Variants in ANK3 observed in about 807,000 individuals in gnomAD.
ANK3 encodes the protein ankyrin 3.
In ANK3, 57 loss-of-function variants were observed where a neutral mutation model predicts 370.9. That is an observed-to-expected ratio of 0.15 (90% CI 0.12 to 0.19). The LOEUF (loss-of-function observed/expected upper bound fraction) is 0.19. Ranked by LOEUF, ANK3 falls within the 10% of genes least tolerant of loss-of-function variation. ANK3 has a pLI of 1.00. For missense variants in ANK3, 4,439 were observed against 5,302.1 expected (o/e 0.84, Z 5.06); for synonymous variants, 1,929 against 1,946.3 (o/e 0.99, Z 0.23).
chr10:60,062,918 T>C (rs537234193), intron 40 of ANK3, 193 bp downstream of exon 40: 5 of 473,010 alleles, frequency 1.1e-5, no homozygotes, highest in Admixed American at 3.8e-5. Flanking sequence ...TGTATATTTA[T>C]ATTGTATATA....
intron 1 of ANK3, chr10:60,685,312 G>C (rs2079253215): frequency 5.0e-6 from 1 of 199,774 alleles, no homozygotes; most frequent in African/African-American, 2.4e-5. Context: ...TACCATTTGG[G>C]GAAGCCAAGC....
At chr10:60,422,443 T>A (rs2063798435) in intron 2 of ANK3, among the ~76,000 whole-genome samples, 1 of 152,132 alleles carries the variant, frequency 6.6e-6, no homozygotes, top group Admixed American at 6.6e-5. Context: ...CTATCCAAGT[T>A]CATTGAAGTA....
intron 1 of ANK3, among the ~76,000 whole-genome samples, chr10:60,281,294 T>C (rs959857341): frequency 2.0e-5 from 3 of 152,214 alleles, no homozygotes; most frequent in African/African-American, 7.2e-5. Context: ...TTCTTTGCTG[T>C]AGGGGACTGT....
At chr10:60,310,694 C>T (rs2046164642) in intron 1 of ANK3, among the ~76,000 whole-genome samples, 5 of 152,326 alleles carry the variant, frequency 3.3e-5, no homozygotes, top group Admixed American at 3.3e-4. Context: ...TCAATTCTAA[C>T]ACAAGTAACT....
At chr10:60,212,140 G>A (rs1261068002) in intron 9 of ANK3, among the ~76,000 whole-genome samples, 3 of 151,972 alleles carry the variant, frequency 2.0e-5, no homozygotes, top group Non-Finnish European at 4.4e-5. Flanking sequence ...AAAATCCAAA[G>A]CAATGAGATG....
At position 60,389,708 on chromosome 10, in the gene ANK3, T is replaced by A; in HGVS notation, c.-170A>T. The A allele has an allele frequency of 6.9e-7, 1 of 1,440,440 alleles. No individual in the cohort carries two copies. Among genetic ancestry groups the A allele is most frequent in the Non-Finnish European group, 9.1e-7 (1 of 1,103,498 alleles). The allele number at this position is 1,440,440 out of a possible 1,614,324, so 89.2% of individuals were successfully genotyped here. A position where few individuals can be genotyped will look rare whatever the true frequency, so the allele number is the denominator to read the frequency against. Reference sequence around the variant, plus strand: ...AAGATGCTGGAGAAGCTGAAGCTTTTAAAAACCCAAATGATGGTGTCCGGA... The same window carrying A: ...AAGATGCTGGAGAAGCTGAAGCTTTAAAAAACCCAAATGATGGTGTCCGGA... On this transcript the variant is annotated 5_prime_UTR_variant, in exon 1 of 44. An upstream open reading frame in the 5' UTR loses its in-frame stop. Transcript: ENST00000280772.
intron 8 of ANK3, among the ~76,000 whole-genome samples, chr10:60,226,573 T>TATACTATAGTATATGTATATATATA (rs1491139456): frequency 9.6e-5 from 2 of 20,914 alleles, no homozygotes; most frequent in Non-Finnish European, 1.8e-4. Context: ...ACATAGTATA[T>TATACTATAGTATATGTATATATATA]GTATATATAC....
chr10:60,507,286 A>C (rs2075965676), intron 2 of ANK3, among the ~76,000 whole-genome samples: 2 of 152,132 alleles, frequency 1.3e-5, no homozygotes, highest in Non-Finnish European at 2.9e-5. Flanking sequence ...AATGCGTCAC[A>C]ATGGCATAAT....
At chr10:60,140,315 A>G in intron 23 of ANK3, 1 of 1,610,098 alleles carries the variant, frequency 6.2e-7, no homozygotes, top group Non-Finnish European at 8.5e-7. Flanking sequence ...ATCTCAAACA[A>G]AAACAGCACA....
Position 60,134,344 on chromosome 10 carries a change from T to C in ANK3, c.2768A>G (p.Tyr923Cys). The C allele has an allele frequency of 6.2e-7, 1 of 1,613,858 alleles. No homozygotes were observed. The highest frequency in any genetic ancestry group is 1.1e-5 in the South Asian group (1 of 91,072). ...TGCATAGGAGCTTCTGTTCAAGGTG[T>C]AAGACCTATCCGAACTGAAGGAGCG... ...SLRSFSSDRS[Y>C]TLNRSSYARD... The change falls in exon 25 of 44, where the codon TAC becomes TGC. Residue 923 changes from tyrosine to cysteine, a missense_variant. Transcript: ENST00000280772.
At chr10:60,231,721 T>C (rs541391669) in intron 8 of ANK3, among the ~76,000 whole-genome samples, 6 of 152,298 alleles carry the variant, frequency 3.9e-5, no homozygotes, top group African/African-American at 1.4e-4. Context: ...ATATTTCAGG[T>C]ATATACTATA....
At chr10:60,725,795 C>T (rs1178547333) in intron 1 of ANK3, among the ~76,000 whole-genome samples, 2 of 152,100 alleles carry the variant, frequency 1.3e-5, no homozygotes, top group African/African-American at 2.4e-5. Flanking sequence ...ATTGTCCCCC[C>T]ATCCCAGCCC....
chr10:60,534,855 C>T (rs1055694542), intron 2 of ANK3, among the ~76,000 whole-genome samples: 10 of 152,046 alleles, frequency 6.6e-5, no homozygotes, highest in Non-Finnish European at 1.3e-4. Context: ...GACAAAAGTC[C>T]CAATGCTATA....
chr10:60,489,829 A>G (rs1036083524), intron 2 of ANK3, among the ~76,000 whole-genome samples: 41 of 152,230 alleles, frequency 2.7e-4, no homozygotes, highest in Admixed American at 1.1e-3. Flanking sequence ...TCCTAAGAAC[A>G]AACCTTCTTC....
intron 1 of ANK3, among the ~76,000 whole-genome samples, chr10:60,326,833 AAC>A (rs1407789529): frequency 4.6e-5 from 7 of 152,016 alleles, no homozygotes; most frequent in African/African-American, 1.7e-4. Flanking sequence ...CATCCTGGCT[AAC>A]ACAGTGAAAC....
intron 2 of ANK3, among the ~76,000 whole-genome samples, chr10:60,552,305 T>C (rs1444952093): frequency 6.6e-6 from 1 of 152,222 alleles, no homozygotes; most frequent in Non-Finnish European, 1.5e-5. Flanking sequence ...CTAGTTTTTG[T>C]GCTGCTCTCA....
intron 2 of ANK3, among the ~76,000 whole-genome samples, chr10:60,550,440 C>T (rs1362090556): frequency 2.6e-5 from 4 of 151,712 alleles, no homozygotes; most frequent in African/African-American, 9.7e-5. Context: ...AATATATATG[C>T]TTAGAGTTTT....
rs72807946 is a variant in ANK3, at chr10:60,512,774, T to A, written c.96+102412A>T. ...TAGCCATAAGAAAACTACTTCTGTG[T>A]TATCATTTGGATTAAATATATGCTA... On this transcript the variant is annotated intron_variant, in intron 2 of 43. Coordinates refer to the ANK3 transcript ENST00000373827. Among the ~76,000 whole-genome samples, 838 of 152,266 alleles carry A rather than the reference T, an allele frequency of 5.5e-3. 4 individuals carry two copies. Among genetic ancestry groups the A allele is most frequent in the South Asian group, 0.012 (59 of 4,826 alleles).
chr10:60,518,506 C>A (rs1469534052), intron 2 of ANK3, among the ~76,000 whole-genome samples: 2 of 152,072 alleles, frequency 1.3e-5, no homozygotes, highest in African/African-American at 4.8e-5. Flanking sequence ...CAGGCTCTAC[C>A]TCAGAACTCC....
Sources: gnomAD v4.1 joint callset for allele counts (sites outside exome capture counted in the v4.1 genomes callset) on GRCh38, gnomAD v4.1.1 for gene constraint, MANE v1.5 for transcripts, NCBI Gene and HGNC (gene_info 2026-07-23, HGNC 2026-07-21) for gene names.